The following MCU variants were observed in gnomAD, a reference collection of about 807,000 sequenced individuals.
MCU encodes calcium uniporter protein, mitochondrial.
In MCU, 12 loss-of-function variants were observed where a neutral mutation model predicts 45.2. The ratio of observed to expected loss-of-function variants is 0.27; its 90% CI spans 0.17 to 0.43. MCU has a LOEUF of 0.43. Among genes scored for constraint, MCU ranks in the 20% least tolerant of loss-of-function variants. The pLI is 1.00. For missense variants in MCU, 324 were observed against 436.7 expected (o/e 0.74, Z 2.30); for synonymous variants, 160 against 165.1 (o/e 0.97, Z 0.24).
intron 1 of MCU, among the ~76,000 whole-genome samples, chr10:72,814,639 C>G (rs1844597689): frequency 6.6e-6 from 1 of 152,136 alleles, no homozygotes; most frequent in African/African-American, 2.4e-5. Flanking sequence ...AACAATGAAG[C>G]ATAACTTGCC....
chr10:72,808,010 C>T (rs376323190), intron 1 of MCU, among the ~76,000 whole-genome samples: 1 of 152,152 alleles, frequency 6.6e-6, no homozygotes, highest in Non-Finnish European at 1.5e-5. Flanking sequence ...AGTCTATTGA[C>T]AAGCTTATTT....
At chr10:72,807,238 T>C (rs923356507) in intron 1 of MCU, among the ~76,000 whole-genome samples, 5 of 152,198 alleles carry the variant, frequency 3.3e-5, no homozygotes, top group African/African-American at 1.2e-4. Flanking sequence ...GAAGATGCAT[T>C]GACAGTAATT....
chr10:72,714,695 A>C (rs560455681), intron 1 of MCU, among the ~76,000 whole-genome samples: 1 of 151,872 alleles, frequency 6.6e-6, no homozygotes, highest in African/African-American at 2.4e-5. Context: ...CAGGCATGCA[A>C]CACCACGCTG....
At chr10:72,778,266 A>G (rs1008528862) in intron 1 of MCU, among the ~76,000 whole-genome samples, 2 of 152,228 alleles carry the variant, frequency 1.3e-5, no homozygotes, top group African/African-American at 4.8e-5. Context: ...CAAGATATGG[A>G]ATCAACCTAA....
chr10:72,783,089 C>A (rs1844019628), intron 1 of MCU, among the ~76,000 whole-genome samples: 1 of 152,184 alleles, frequency 6.6e-6, no homozygotes, highest in African/African-American at 2.4e-5. Flanking sequence ...GCACTTTAAG[C>A]ATAATCAATA....
At chr10:72,719,550 A>C (rs1842994484) in intron 1 of MCU, among the ~76,000 whole-genome samples, 2 of 152,192 alleles carry the variant, frequency 1.3e-5, no homozygotes, top group South Asian at 4.1e-4. Flanking sequence ...TGATTGTTAC[A>C]TCAGCAAGTG....
chr10:72,748,098 A>T (rs920084693), intron 1 of MCU, among the ~76,000 whole-genome samples: 1 of 150,264 alleles, frequency 6.7e-6, no homozygotes, highest in Non-Finnish European at 1.5e-5. Flanking sequence ...CCCAGGCTGG[A>T]GTGCAATGGC....
intron 1 of MCU, among the ~76,000 whole-genome samples, chr10:72,762,614 C>G (rs1333655103): frequency 6.6e-6 from 1 of 152,070 alleles, no homozygotes; most frequent in Non-Finnish European, 1.5e-5. Context: ...TTTAATTATA[C>G]TAATAGAATC....
chr10:72,826,969 A>G (rs993431117), intron 1 of MCU, among the ~76,000 whole-genome samples: 3 of 152,136 alleles, frequency 2.0e-5, no homozygotes, highest in Admixed American at 6.6e-5. Flanking sequence ...ATTCTATTTT[A>G]TTATTGTTAA....
At chr10:72,774,810 A>G (rs762548725) in intron 1 of MCU, among the ~76,000 whole-genome samples, 2 of 152,190 alleles carry the variant, frequency 1.3e-5, no homozygotes, top group African/African-American at 4.8e-5. Flanking sequence ...GAAGGGCACC[A>G]TATAAGATAA....
chr10:72,795,248 C>A (rs1844225832), intron 1 of MCU, among the ~76,000 whole-genome samples: 1 of 152,078 alleles, frequency 6.6e-6, no homozygotes, highest in African/African-American at 2.4e-5. Flanking sequence ...TCCTCACTTT[C>A]CTGTAAGTTT....
intron 2 of MCU, among the ~76,000 whole-genome samples, chr10:72,835,803 T>G (rs1321889154): frequency 6.6e-6 from 1 of 152,190 alleles, no homozygotes; most frequent in Non-Finnish European, 1.5e-5. Flanking sequence ...ATGTATAAGT[T>G]AAAAAGCAGC....
At chr10:72,734,107 G>A (rs1843218540) in intron 1 of MCU, among the ~76,000 whole-genome samples, 1 of 152,094 alleles carries the variant, frequency 6.6e-6, no homozygotes, top group African/African-American at 2.4e-5. Flanking sequence ...CTGATTGGGT[G>A]CGTTTGCTCA....
At chr10:72,741,658 C>T (rs889916907) in intron 1 of MCU, among the ~76,000 whole-genome samples, 6 of 152,252 alleles carry the variant, frequency 3.9e-5, no homozygotes, top group Admixed American at 3.9e-4. Context: ...TTGATGATGG[C>T]TTGTAGGTTA....
chr10:72,837,194 AT>A (rs755289387), intron 2 of MCU, among the ~76,000 whole-genome samples: 1,991 of 145,402 alleles, frequency 0.014, 33 homozygotes, highest in African/African-American at 0.04. Context: ...CAGGTTCTAG[AT>A]TTTTTTTTTT....
At chr10:72,751,510 A>C (rs1843498586) in intron 1 of MCU, among the ~76,000 whole-genome samples, 1 of 149,248 alleles carries the variant, frequency 6.7e-6, no homozygotes, top group Non-Finnish European at 1.5e-5. Flanking sequence ...ATGCACCACA[A>C]TGCCTGGCTA....
At chr10:72,838,699 A>G (rs1048208968) in intron 2 of MCU, among the ~76,000 whole-genome samples, 13 of 152,244 alleles carry the variant, frequency 8.5e-5, no homozygotes, top group Non-Finnish European at 1.3e-4. Context: ...TGTACTTAAC[A>G]AAAGATACAA....
chr10:72,812,456 T>G (rs1233455384), intron 1 of MCU, among the ~76,000 whole-genome samples: 1 of 152,198 alleles, frequency 6.6e-6, no homozygotes, highest in Non-Finnish European at 1.5e-5. Flanking sequence ...TCCAGATTTC[T>G]TATACTTCAT....
chr10:72,813,830 A>C (rs1844584266), intron 1 of MCU, among the ~76,000 whole-genome samples: 1 of 152,004 alleles, frequency 6.6e-6, no homozygotes, highest in Non-Finnish European at 1.5e-5. Context: ...TGACTGTGAA[A>C]CAACACGATT....
Sources: allele counts gnomAD v4.1 joint callset (sites outside exome capture counted in the v4.1 genomes callset), GRCh38; gene constraint gnomAD v4.1.1; transcripts MANE v1.5; gene names NCBI Gene and HGNC (gene_info 2026-07-23, HGNC 2026-07-21).